ANO10: variants seen among roughly 807,000 people sequenced by gnomAD.
ANO10 encodes the protein anoctamin-10.
Under a neutral mutation model 74.7 loss-of-function variants are expected in ANO10, and 77 were observed. The ratio of observed to expected loss-of-function variants is 1.03; its 90% confidence interval spans 0.86 to 1.25. ANO10 has a LOEUF of 1.25. Ranked by LOEUF, ANO10 falls within the 50% of genes most tolerant of loss-of-function variation. ANO10 has a pLI of 0.00. For synonymous variants in ANO10, 279 were observed against 284.9 expected, an observed-to-expected ratio of 0.98 and a Z score of 0.21; for missense variants, 721 against 778.1, an observed-to-expected ratio of 0.93 and a Z score of 0.87.
intron 4 of ANO10, among the ~76,000 whole-genome samples, chr3:43,595,325 G>C (rs139433314): frequency 0.012 from 1,767 of 152,282 alleles, 28 homozygotes; most frequent in African/African-American, 0.037. Context: ...GAGAATTTTA[G>C]ATCAATATCC....
intron 11 of ANO10, among the ~76,000 whole-genome samples, chr3:43,514,937 A>C (rs1241222019): frequency 1.3e-5 from 2 of 152,226 alleles, no homozygotes. Flanking sequence ...AAATGAAAAC[A>C]CTTGCCAGAA....
intron 1 of ANO10, among the ~76,000 whole-genome samples, chr3:43,678,042 G>A (rs1296763069): frequency 6.6e-6 from 1 of 152,214 alleles, no homozygotes; most frequent in African/African-American, 2.4e-5. Context: ...TAAACCCACT[G>A]TAAGTTGAAA....
intron 11 of ANO10, among the ~76,000 whole-genome samples, chr3:43,524,990 A>C (rs2078125776): frequency 6.6e-6 from 1 of 152,096 alleles, no homozygotes; most frequent in African/African-American, 2.4e-5. Flanking sequence ...CCTCTTAAAC[A>C]TTCTCCATGC....
chr3:43,486,513 A>G (rs1359274203), intron 11 of ANO10, among the ~76,000 whole-genome samples: 24 of 150,074 alleles, frequency 1.6e-4, no homozygotes, highest in South Asian at 4.3e-4. Context: ...TCCTTGAAGA[A>G]GTCCTTCACA....
chr3:43,616,796 G>C (rs749340395), intron 1 of ANO10, among the ~76,000 whole-genome samples: 8 of 152,070 alleles, frequency 5.3e-5, no homozygotes, highest in Non-Finnish European at 1.0e-4. Flanking sequence ...GTTCCATCCA[G>C]GGGTGCTCTC....
At chr3:43,640,196 G>C (rs1215998340) in intron 1 of ANO10, among the ~76,000 whole-genome samples, 1 of 152,156 alleles carries the variant, frequency 6.6e-6, no homozygotes, top group Non-Finnish European at 1.5e-5. Flanking sequence ...CTCATTGCTG[G>C]TTGTGTGCTT....
Position 43,449,714 on chromosome 3 carries a change from G to T in ANO10, c.1798-16987C>A, listed in dbSNP as rs187957195. On this transcript the variant is annotated intron_variant, in intron 11 of 12. Coordinates refer to ENST00000292246, the MANE Select transcript of ANO10 (RefSeq NM_018075.5). The stretch of plus-strand genomic sequence containing the variant: ...CTGTAGCTTTACAGCAAGTTTCGAA[G>T]TTGGTTAGTGCCAGTCCTCTTTGTT... 4.8e-5 allele frequency among the ~76,000 whole-genome samples: 7 copies of T among 146,028 alleles called. No individual in the cohort carries two copies. In the East Asian group the frequency reaches 5.8e-4, roughly 12 times the overall value.
intron 12 of ANO10, among the ~76,000 whole-genome samples, chr3:43,416,371 C>T (rs551636320): frequency 1.3e-5 from 2 of 152,216 alleles, no homozygotes; most frequent in East Asian, 3.9e-4. Context: ...CTCTTGATAA[C>T]AGTTAGTTGG....
chr3:43,573,991 G>C lies in ANO10; in HGVS notation c.1218+818C>G, dbSNP rs1203918430. ...GTTTTTTGAGACAGGGTCTCGCTCT[G>C]TCACCCAGGCTGGAGTGCAGTGGTG... On this transcript the variant is annotated intron_variant, in intron 7 of 12. Transcript: ENST00000292246. Among the ~76,000 whole-genome samples the C allele has an allele frequency of 2.0e-5, 3 of 152,328 alleles. No homozygotes were observed. In the East Asian group the frequency reaches 5.8e-4, roughly 29 times the overall value.
At chr3:43,638,613 G>A (rs996138602) in intron 1 of ANO10, 10 of 152,182 alleles carry the variant, frequency 6.6e-5, no homozygotes, top group African/African-American at 2.4e-4. Flanking sequence ...AGCAGCTAGA[G>A]GTTTGTGAAA....
At position 43,497,120 on chromosome 3, in the gene ANO10, G is replaced by A. The variant is rs370412949; in HGVS notation, c.1797+52600C>T. Among the ~76,000 whole-genome samples the A allele has an allele frequency of 2.8e-4, 43 of 152,252 alleles. 1 individual carries two copies. In the East Asian group the frequency reaches 3.9e-3, roughly 14 times the overall value. Reference sequence around the variant, plus strand: ...ACTTTTTCTTATTCTGTCACATTTCGAAAGATTTTTGTGATTTTGAATTAA... The same window carrying A: ...ACTTTTTCTTATTCTGTCACATTTCAAAAGATTTTTGTGATTTTGAATTAA... On this transcript the variant is annotated intron_variant, in intron 11 of 12. Coordinates refer to ENST00000292246, the MANE Select transcript of ANO10 (RefSeq NM_018075.5).
chr3:43,429,442 T>C (rs1237345100), intron 12 of ANO10, among the ~76,000 whole-genome samples: 5 of 152,080 alleles, frequency 3.3e-5, no homozygotes, highest in Admixed American at 2.0e-4. Context: ...CTGAGTAACA[T>C]GAAGCATGAT....
Position 43,580,367 on chromosome 3 carries a change from T to C in ANO10, c.578A>G (p.Lys193Arg). The change falls in exon 5 of 13, where the codon AAG becomes AGG. Residue 193 changes from lysine to arginine, a missense_variant. Transcript: ENST00000292246. Reference protein sequence around the residue: ...EDTWYTRFALKYQPIDSIRGY... With the variant: ...EDTWYTRFALRYQPIDSIRGY... ...CTGACACATACCTATGGGCTGATAC[T>C]TCAAAGCAAACCGAGTGTACCAGGT... 1 of 1,613,998 alleles carries C rather than the reference T, an allele frequency of 6.2e-7. No individual in the cohort carries two copies. Among genetic ancestry groups the C allele is most frequent in the Middle Eastern group, 1.6e-4 (1 of 6,062 alleles).
At chr3:43,429,151 T>C (rs142710777) in intron 12 of ANO10, among the ~76,000 whole-genome samples, 1 of 152,222 alleles carries the variant, frequency 6.6e-6, no homozygotes, top group East Asian at 1.9e-4. Context: ...ACACCCTCAA[T>C]GGCAAATATA....
At chr3:43,548,818 C>T (rs1330964853) in intron 11 of ANO10, among the ~76,000 whole-genome samples, 1 of 152,124 alleles carries the variant, frequency 6.6e-6, no homozygotes, top group Non-Finnish European at 1.5e-5. Context: ...TTGGTTAGTG[C>T]TTAATTTCCA....
At chr3:43,605,247 T>G (rs2082507007) in intron 2 of ANO10, among the ~76,000 whole-genome samples, 1 of 152,214 alleles carries the variant, frequency 6.6e-6, no homozygotes, top group East Asian at 1.9e-4. Context: ...TGCCATGCAC[T>G]GCTTTGTGAC....
chr3:43,428,405 A>C (rs2092930075), intron 12 of ANO10, among the ~76,000 whole-genome samples: 1 of 152,134 alleles, frequency 6.6e-6, no homozygotes, highest in Admixed American at 6.5e-5. Context: ...TTTAGTGGAG[A>C]CAGGGAGGGA....
chr3:43,629,037 T>C (rs969196523), intron 1 of ANO10, among the ~76,000 whole-genome samples: 1 of 152,164 alleles, frequency 6.6e-6, no homozygotes, highest in Non-Finnish European at 1.5e-5. Flanking sequence ...CCTCCCCTTT[T>C]GAAAGTCCCT....
intron 11 of ANO10, among the ~76,000 whole-genome samples, chr3:43,535,123 A>T (rs944831203): frequency 6.6e-6 from 1 of 151,724 alleles, no homozygotes; most frequent in African/African-American, 2.4e-5. Flanking sequence ...ACAGGAGTGC[A>T]CCACCACACC....
Sources: gnomAD v4.1 joint callset for allele counts (sites outside exome capture counted in the v4.1 genomes callset) on GRCh38, gnomAD v4.1.1 for gene constraint, MANE v1.5 for transcripts, NCBI Gene and HGNC (gene_info 2026-07-23, HGNC 2026-07-21) for gene names.